The following ADAM12 variants were observed in gnomAD, a reference collection of about 807,000 sequenced individuals.
ADAM12 encodes the protein disintegrin and metalloproteinase domain-containing protein 12.
A neutral mutation model predicts 106.4 loss-of-function variants in ADAM12; 70 were observed. That is an observed-to-expected ratio of 0.66 (90% CI 0.54 to 0.80). ADAM12 has a LOEUF of 0.80. ADAM12 is among the 30% of genes least tolerant of loss of function. ADAM12 has a pLI of 0.00. For missense variants in ADAM12, 1,010 were observed against 1,171.9 expected (o/e 0.86, Z 2.02); for synonymous variants, 420 against 433.5 (o/e 0.97, Z 0.39).
At chr10:126,311,124 CACA>C (rs1280187626) in intron 2 of ADAM12, among the ~76,000 whole-genome samples, 4 of 151,642 alleles carry the variant, frequency 2.6e-5, no homozygotes, top group African/African-American at 9.7e-5. Context: ...CACACACACA[CACA>C]CACACACACA....
At chr10:126,387,429 A>AG (rs1564771180) in intron 1 of ADAM12, among the ~76,000 whole-genome samples, 6 of 88,868 alleles carry the variant, frequency 6.8e-5, no homozygotes, top group Non-Finnish European at 1.7e-4. Context: ...GAATTCCGCT[A>AG]AAGTTTGCCT....
Position 126,064,713 on chromosome 10 carries a change from T to G in ADAM12, c.1609+93A>C. On this transcript the variant is annotated intron_variant, in intron 14 of 22. Coordinates refer to ENST00000448723, the MANE Select transcript of ADAM12 (RefSeq NM_001288973.2). The surrounding 1 kb of genome is among the most constrained non-coding windows in gnomAD (Gnocchi z 4.4). Reference sequence around the variant, plus strand: ...CTGTGTGGACAGCGCCCGCCAGGAGTGGGGGCTAACCAAAACAGAGCACAT... The same window carrying G: ...CTGTGTGGACAGCGCCCGCCAGGAGGGGGGGCTAACCAAAACAGAGCACAT... 7.5e-7 allele frequency: 1 copy of G among 1,340,350 alleles called. No homozygotes were observed. The highest frequency in any genetic ancestry group is 1.0e-6 in the Non-Finnish European group (1 of 987,834). The allele number at this position is 1,340,350 out of a possible 1,614,324, so 83.0% of individuals were successfully genotyped here.
intron 2 of ADAM12, among the ~76,000 whole-genome samples, chr10:126,327,804 A>G (rs538714758): frequency 1.3e-5 from 2 of 152,322 alleles, no homozygotes; most frequent in African/African-American, 4.8e-5. Flanking sequence ...AGAAGGTCAC[A>G]GTTTATGTCG....
chr10:126,038,163 C>T (rs1187567889), intron 20 of ADAM12, 78 bp downstream of exon 20: 1 of 1,291,310 alleles, frequency 7.7e-7, no homozygotes, highest in Non-Finnish European at 1.1e-6. Context: ...CTCTAGGATC[C>T]CATTCTTATT....
intron 3 of ADAM12, among the ~76,000 whole-genome samples, chr10:126,213,012 G>C (rs1440969026): frequency 6.6e-6 from 1 of 152,090 alleles, no homozygotes. Context: ...GGGATCTTTA[G>C]TAAGTGCACC....
intron 2 of ADAM12, among the ~76,000 whole-genome samples, chr10:126,295,127 A>G (rs947711236): frequency 1.3e-5 from 2 of 152,136 alleles, no homozygotes; most frequent in Non-Finnish European, 2.9e-5. Context: ...AGAGGAAACT[A>G]TAACTCATTT....
chr10:126,082,471 C>T (rs990477547), intron 11 of ADAM12, among the ~76,000 whole-genome samples: 3 of 146,926 alleles, frequency 2.0e-5, no homozygotes, highest in Non-Finnish European at 3.0e-5. Context: ...CGGGTTCAAG[C>T]GATTCTCCTG....
intron 2 of ADAM12, among the ~76,000 whole-genome samples, chr10:126,298,814 A>G (rs1483890215): frequency 6.6e-6 from 1 of 152,206 alleles, no homozygotes; most frequent in Admixed American, 6.5e-5. Flanking sequence ...AAATGACACC[A>G]CAGAAGACAA....
chr10:126,245,127 G>A (rs1388609113), intron 3 of ADAM12, among the ~76,000 whole-genome samples: 2 of 152,224 alleles, frequency 1.3e-5, no homozygotes, highest in African/African-American at 4.8e-5. Context: ...CCCCTCGCCA[G>A]CCTCGGGGAA....
At chr10:126,198,182 T>G (rs896949954) in intron 3 of ADAM12, among the ~76,000 whole-genome samples, 2 of 152,008 alleles carry the variant, frequency 1.3e-5, no homozygotes, top group African/African-American at 4.8e-5. Flanking sequence ...CTGTGGGAGG[T>G]GCAGATGCAG....
intron 2 of ADAM12, among the ~76,000 whole-genome samples, chr10:126,289,463 G>A (rs1248641469): frequency 1.3e-5 from 2 of 152,192 alleles, no homozygotes; most frequent in African/African-American, 2.4e-5. Context: ...CCCTTGCAAC[G>A]TTCAGTGTCG....
chr10:126,167,363 C>T (rs1420049301), intron 3 of ADAM12, among the ~76,000 whole-genome samples: 1 of 152,184 alleles, frequency 6.6e-6, no homozygotes, highest in African/African-American at 2.4e-5. Context: ...TGACTTTTGC[C>T]TTTTCTGCCC....
intron 14 of ADAM12, among the ~76,000 whole-genome samples, chr10:126,058,953 A>G (rs536881072): frequency 7.2e-5 from 11 of 152,202 alleles, no homozygotes; most frequent in Non-Finnish European, 1.6e-4. Flanking sequence ...TATCACTACC[A>G]TATTACATCA....
At chr10:126,257,054 G>A (rs984558425) in intron 3 of ADAM12, among the ~76,000 whole-genome samples, 1 of 152,162 alleles carries the variant, frequency 6.6e-6, no homozygotes, top group Non-Finnish European at 1.5e-5. Flanking sequence ...GTCCACTTCT[G>A]CATCCTGCAT....
chr10:126,300,470 T>G (rs1035111830), intron 2 of ADAM12, among the ~76,000 whole-genome samples: 1 of 152,202 alleles, frequency 6.6e-6, no homozygotes, highest in Admixed American at 6.5e-5. Context: ...GCAATAATTC[T>G]GCATATATCT....
chr10:126,031,682 A>G (rs1468654387), intron 21 of ADAM12, among the ~76,000 whole-genome samples: 2 of 152,188 alleles, frequency 1.3e-5, no homozygotes, highest in South Asian at 2.1e-4. Flanking sequence ...TTCTTAGATG[A>G]GACTGTGCCA....
intron 3 of ADAM12, among the ~76,000 whole-genome samples, chr10:126,215,143 G>A (rs1270639605): frequency 6.6e-6 from 1 of 152,216 alleles, no homozygotes; most frequent in Non-Finnish European, 1.5e-5. Context: ...ACTTCTGTGA[G>A]GGGCACTCAG....
intron 8 of ADAM12, among the ~76,000 whole-genome samples, chr10:126,106,766 A>G (rs76828214): frequency 2.0e-3 from 307 of 152,024 alleles, no homozygotes; most frequent in Non-Finnish European, 2.2e-3. Flanking sequence ...TTACAGGCGT[A>G]AGCCACCGCG....
chr10:126,054,157 G>C (rs1045847641), intron 14 of ADAM12, among the ~76,000 whole-genome samples: 3 of 152,152 alleles, frequency 2.0e-5, no homozygotes, highest in African/African-American at 7.2e-5. Context: ...TAGAGAAAGT[G>C]AGCACTTTCT....
Sources: allele counts gnomAD v4.1 joint callset (sites outside exome capture counted in the v4.1 genomes callset), GRCh38; gene constraint gnomAD v4.1.1; non-coding constraint Gnocchi (gnomAD v3.1); transcripts MANE v1.5; gene names NCBI Gene and HGNC (gene_info 2026-07-23, HGNC 2026-07-21).